Variants in B3GALNT2 observed in about 807,000 individuals in gnomAD.
The protein encoded by B3GALNT2 is beta-1,3-N-acetylgalactosaminyltransferase 2.
A neutral mutation model predicts 61.1 loss-of-function variants in B3GALNT2; 53 were observed. The ratio of observed to expected loss-of-function variants is 0.87; its 90% CI spans 0.70 to 1.09. The LOEUF (loss-of-function observed/expected upper bound fraction) is 1.09, where lower values mean the gene tolerates loss of function less well. Ranked by LOEUF, B3GALNT2 falls within the 50% of genes least tolerant of loss-of-function variation. B3GALNT2 has a pLI of 0.00. For synonymous variants in B3GALNT2, 223 were observed against 237.4 expected (o/e 0.94, Z 0.56); for missense variants, 544 against 623.0 (o/e 0.87, Z 1.35).
rs1176669261 is a variant in B3GALNT2, at chr1:235,494,777, A to G, written c.164T>C (p.Val55Ala). The G allele has an allele frequency of 1.2e-6, 2 of 1,611,432 alleles. No homozygotes were observed. ...QWKSTHYDVVVGVLSARNNHE... is the reference protein window; with the variant it reads ...QWKSTHYDVVAGVLSARNNHE... ...GTTATTGCGAGCTGACAACACGCCAACTACCACATCATAGTGAGTAGATTT... is the reference window on the plus strand; with the variant it reads ...GTTATTGCGAGCTGACAACACGCCAGCTACCACATCATAGTGAGTAGATTT... The change falls in exon 2 of 12, where the codon GTT becomes GCT. Residue 55 changes from valine (V) to alanine (A), a missense_variant. Transcript: ENST00000366600.
chr1:235,464,873 A>G (rs1199409390), intron 7 of B3GALNT2: 1 of 152,248 alleles, frequency 6.6e-6, no homozygotes, highest in Non-Finnish European at 1.5e-5. Flanking sequence ...TCACAATGAA[A>G]TAACAATTTA....
rs1351583901 is a variant in B3GALNT2, at chr1:235,448,348, G to A, written c.*1858C>T. ...AATGGACTTTTCTTGTCTTTTGATA[G>A]GCTCCATGACAATTCAAAAGGTGAA... On this transcript the variant is annotated 3_prime_UTR_variant, in exon 12 of 12. Transcript: ENST00000366600. 1 of 1,613,678 alleles carries A rather than the reference G, an allele frequency of 6.2e-7. No homozygotes were observed. Among genetic ancestry groups the A allele is most frequent in the African/African-American group, 1.3e-5 (1 of 74,886 alleles).
At position 235,496,327 on chromosome 1, in the gene B3GALNT2, T is replaced by A. The variant is rs144398872; in HGVS notation, c.113-1499A>T. On this transcript the variant is annotated intron_variant, in intron 1 of 11. Transcript: ENST00000366600. ...ACTCCACCTGAAAAAAAAAAAAAAG[T>A]TCCATTCCAAATGGAATAGAGGTAT... 1.1e-3 allele frequency: 1,101 copies of A among 996,292 alleles called. 14 individuals are homozygous for A. The African/African-American group carries it at 0.019, about 17-fold the overall frequency. 61.7% of individuals were successfully genotyped at this position (996,292 alleles called of 1,614,324 possible). A position where few individuals can be genotyped will look rare whatever the true frequency, so the allele number is the denominator to read the frequency against.
At chr1:235,444,241 A>C (rs74151509), downstream of B3GALNT2, among the ~76,000 whole-genome samples, 6,139 of 152,248 alleles carry the variant, frequency 0.04, 260 homozygotes, top group African/African-American at 0.11. Context: ...TTATTTATTC[A>C]CAATCCAGTT....
chr1:235,445,205 CCTT>C (rs1036497463), downstream of B3GALNT2, among the ~76,000 whole-genome samples: 2 of 151,790 alleles, frequency 1.3e-5, no homozygotes, highest in Admixed American at 6.6e-5. Context: ...CTTTTTTTCC[CCTT>C]TTTTATTTGC....
rs968217878 is a variant in B3GALNT2, at chr1:235,455,422, A to AAT, written c.1151+135_1151+136dup. Reference sequence around the variant, plus strand: ...CAGCATGACTGACCTAGAGTAATGAAATATATATAAACCCAGGAGTCTAGT... The same window carrying AAT: ...CAGCATGACTGACCTAGAGTAATGAAATATATATATAAACCCAGGAGTCTAGT... On this transcript the variant is annotated intron_variant, in intron 9 of 11. Coordinates refer to ENST00000366600, the MANE Select transcript of B3GALNT2 (RefSeq NM_152490.5). 6.3e-6 allele frequency: 6 copies of AAT among 956,922 alleles called. No individual in the cohort carries two copies. In the South Asian group the frequency reaches 7.2e-5, roughly 12 times the overall value. 59.3% of individuals were successfully genotyped at this position (956,922 alleles called of 1,614,324 possible). A position where few individuals can be genotyped will look rare whatever the true frequency, so the allele number is the denominator to read the frequency against.
At chr1:235,446,407 C>G (rs1449717539), downstream of B3GALNT2, among the ~76,000 whole-genome samples, 1 of 151,892 alleles carries the variant, frequency 6.6e-6, no homozygotes, top group African/African-American at 2.4e-5. Flanking sequence ...AAACTCCTGA[C>G]CTCAGATGAT....
chr1:235,441,604 C>T, the B3GALNT2 span: 5 of 579,684 alleles, frequency 8.6e-6, no homozygotes, highest in Admixed American at 1.5e-4. Context: ...GCTACAGAGT[C>T]TGCAGCTCTG....
Position 235,494,613 on chromosome 1 carries a change from C to T in B3GALNT2, c.260+68G>A, listed in dbSNP as rs537320760. ...CTGGGACGACGGGCACACACCACCA[C>T]GCCTGGCTAGGTTTTTCAGAACTCT... On this transcript the variant is annotated intron_variant, in intron 2 of 11. Transcript: ENST00000366600. The T allele has an allele frequency of 1.1e-4, 170 of 1,506,882 alleles. No homozygotes were observed. In the African/African-American group the frequency reaches 1.9e-3, roughly 17 times the overall value. 93.3% of individuals were successfully genotyped at this position (1,506,882 alleles called of 1,614,324 possible). A position where few individuals can be genotyped will look rare whatever the true frequency, so the allele number is the denominator to read the frequency against.
chr1:235,492,085 C>T (rs1036677813), intron 2 of B3GALNT2, among the ~76,000 whole-genome samples: 3 of 152,212 alleles, frequency 2.0e-5, no homozygotes, highest in African/African-American at 7.2e-5. Flanking sequence ...ACACATACTA[C>T]ATTATTTGCT....
downstream of B3GALNT2, among the ~76,000 whole-genome samples, chr1:235,444,372 T>C (rs1682101939): frequency 6.6e-6 from 1 of 152,212 alleles, no homozygotes; most frequent in Non-Finnish European, 1.5e-5. Context: ...GGAGACAGAC[T>C]AGTCAAAGAG....
At chr1:235,477,939 G>A (rs963715077) in intron 5 of B3GALNT2, among the ~76,000 whole-genome samples, 1 of 152,182 alleles carries the variant, frequency 6.6e-6, no homozygotes, top group African/African-American at 2.4e-5. Flanking sequence ...GAAATGGGTG[G>A]TGTAGCACCT....
intron 3 of B3GALNT2, among the ~76,000 whole-genome samples, chr1:235,486,669 C>T (rs1424482754): frequency 1.3e-5 from 2 of 152,198 alleles, no homozygotes; most frequent in Admixed American, 6.5e-5. Context: ...CTAGGTATTA[C>T]ATATATGAAA....
chr1:235,442,206 T>C (rs1681936619), downstream of B3GALNT2, among the ~76,000 whole-genome samples: 2 of 152,092 alleles, frequency 1.3e-5, no homozygotes, highest in African/African-American at 4.8e-5. Flanking sequence ...GTTTTGCTCT[T>C]GTTGCCCAGA....
At chr1:235,440,482 T>G in the B3GALNT2 span, among the ~76,000 whole-genome samples, 1 of 152,004 alleles carries the variant, frequency 6.6e-6, no homozygotes, top group Non-Finnish European at 1.5e-5. Flanking sequence ...AACCTCTACC[T>G]CCTGGGTTCA....
In B3GALNT2 at chr1:235,448,788, C is replaced by G. The variant is rs904571818; in HGVS notation, c.*1418G>C. 6.7e-7 allele frequency: 1 copy of G among 1,484,130 alleles called. No individual in the cohort carries two copies. Among genetic ancestry groups the G allele is most frequent in the South Asian group, 1.1e-5 (1 of 88,334 alleles). The allele number at this position is 1,484,130 out of a possible 1,614,324, so 91.9% of individuals were successfully genotyped here. ...CAACCAACTAATAAAATTTAAAGAC[C>G]ACACTGCTTATCGTGTCTGGGGTTC... On this transcript the variant is annotated 3_prime_UTR_variant, in exon 12 of 12. Coordinates refer to ENST00000366600, the MANE Select transcript of B3GALNT2 (RefSeq NM_152490.5).
downstream of B3GALNT2, among the ~76,000 whole-genome samples, chr1:235,444,098 T>A (rs1433197606): frequency 4.6e-5 from 7 of 152,224 alleles, no homozygotes; most frequent in South Asian, 8.3e-4. Context: ...AAATTCACAT[T>A]GATTTTTAAA....
intron 11 of B3GALNT2, among the ~76,000 whole-genome samples, 197 bp downstream of exon 11, chr1:235,452,893 G>T (rs545403284): frequency 6.6e-6 from 1 of 152,294 alleles, no homozygotes; most frequent in African/African-American, 2.4e-5. Context: ...CAAAGGAAAT[G>T]CTCACTGAAG....
At chr1:235,486,635 T>A (rs1466016779) in intron 3 of B3GALNT2, among the ~76,000 whole-genome samples, 1 of 152,220 alleles carries the variant, frequency 6.6e-6, no homozygotes, top group Non-Finnish European at 1.5e-5. Flanking sequence ...AACTTAGTTA[T>A]ATACGCATTT....
Sources: gnomAD v4.1 joint callset for allele counts (sites outside exome capture counted in the v4.1 genomes callset) on GRCh38, gnomAD v4.1.1 for gene constraint, MANE v1.5 for transcripts, NCBI Gene and HGNC (gene_info 2026-07-23, HGNC 2026-07-21) for gene names.